PHF21B: variants seen among roughly 807,000 people sequenced by gnomAD.
PHF21B encodes PHD finger protein 4.
PHF21B carries 22 observed loss-of-function variants against 62.2 expected under a neutral mutation model. The observed-to-expected ratio is 0.35, with a 90% CI of 0.25 to 0.51. The LOEUF (loss-of-function observed/expected upper bound fraction) is 0.51, where lower values mean the gene tolerates loss of function less well. Ranked by LOEUF, PHF21B falls within the 20% of genes least tolerant of loss-of-function variation. PHF21B has a pLI of 0.97. For synonymous variants in PHF21B, 341 were observed against 314.7 expected, an observed-to-expected ratio of 1.08 and a Z score of -0.88; for missense variants, 701 against 707.9, an observed-to-expected ratio of 0.99 and a Z score of 0.11.
At chr22:44,915,782 C>T (rs2071421423) in intron 4 of PHF21B, among the ~76,000 whole-genome samples, 1 of 152,220 alleles carries the variant, frequency 6.6e-6, no homozygotes, top group Non-Finnish European at 1.5e-5. Context: ...CCACCAGGAG[C>T]TCGGAGGGGA....
chr22:45,008,217 C>T (rs961708348), intron 2 of PHF21B: 2 of 225,156 alleles, frequency 8.9e-6, no homozygotes, highest in African/African-American at 4.5e-5. Flanking sequence ...ATGGCCGCCT[C>T]AGCGCAAAGC....
Position 44,903,609 on chromosome 22 carries a change from G to A in PHF21B, c.832-7526C>T, listed in dbSNP as rs139426128. On this transcript the variant is annotated intron_variant, in intron 5 of 12. Transcript: ENST00000313237. ...ATCAACTGGCTTCATTCTGATAGAC[G>A]TGTGTTCAAAACTGTGTTCTGCAGA... is the stretch of plus-strand genomic sequence containing the variant. Among the ~76,000 whole-genome samples, 692 of 152,310 alleles carry A rather than the reference G, an allele frequency of 4.5e-3. 5 individuals are homozygous for A. The highest frequency in any genetic ancestry group is 0.015 in the African/African-American group (620 of 41,562).
chr22:44,939,337 G>A (rs181606425), intron 2 of PHF21B, among the ~76,000 whole-genome samples: 7 of 152,350 alleles, frequency 4.6e-5, no homozygotes, highest in Admixed American at 1.3e-4. Flanking sequence ...GGTAGAACAC[G>A]TCTGAGCTCT....
At chr22:44,948,704 A>G (rs1018546928) in intron 2 of PHF21B, among the ~76,000 whole-genome samples, 34 of 151,906 alleles carry the variant, frequency 2.2e-4, no homozygotes, top group African/African-American at 8.0e-4. Flanking sequence ...AAAAAAAAAA[A>G]AAAGAGAGAC....
chr22:44,985,924 GCAC>G (rs565614815), intron 2 of PHF21B, among the ~76,000 whole-genome samples: 3,018 of 146,872 alleles, frequency 0.021, 91 homozygotes, highest in African/African-American at 0.071. Context: ...ATCACCATCA[GCAC>G]CACCACCACT....
At chr22:44,916,098 T>C (rs1186185386) in intron 4 of PHF21B, among the ~76,000 whole-genome samples, 182 bp downstream of exon 4, 1 of 152,258 alleles carries the variant, frequency 6.6e-6, no homozygotes, top group Non-Finnish European at 1.5e-5. Flanking sequence ...CATGTGTTCA[T>C]ACTCCATTCA....
At chr22:44,949,318 A>AAAAAAAAAAAAAAAAAG (rs1569248310) in intron 2 of PHF21B, among the ~76,000 whole-genome samples, 1 of 144,792 alleles carries the variant, frequency 6.9e-6, no homozygotes. Flanking sequence ...AAGAAAAAAA[A>AAAAAAAAAAAAAAAAAG]AAAAAAAGAA....
intron 5 of PHF21B, among the ~76,000 whole-genome samples, chr22:44,906,056 G>A (rs984944641): frequency 2.0e-5 from 3 of 152,162 alleles, no homozygotes; most frequent in Non-Finnish European, 4.4e-5. Context: ...CTTGGAACCC[G>A]CTGCCCTGTG....
At chr22:44,921,597 C>T (rs1226741541) in intron 2 of PHF21B, among the ~76,000 whole-genome samples, 2 of 151,764 alleles carry the variant, frequency 1.3e-5, no homozygotes, top group African/African-American at 4.8e-5. Flanking sequence ...AATCTCCTGA[C>T]CTCATGATCC....
At chr22:44,886,280 G>A (rs1005825286) in intron 10 of PHF21B, among the ~76,000 whole-genome samples, 32 of 150,784 alleles carry the variant, frequency 2.1e-4, no homozygotes, top group African/African-American at 7.8e-4. Flanking sequence ...GACAAATGGA[G>A]AGACTCGATG....
chr22:44,996,634 C>T (rs945296057), intron 2 of PHF21B, among the ~76,000 whole-genome samples: 2 of 151,900 alleles, frequency 1.3e-5, no homozygotes, highest in African/African-American at 4.8e-5. Flanking sequence ...CTAGATCACT[C>T]TCTAAAGCTG....
intron 2 of PHF21B, among the ~76,000 whole-genome samples, chr22:44,957,898 T>C (rs1037374963): frequency 3.0e-5 from 3 of 100,806 alleles, no homozygotes; most frequent in African/African-American, 7.3e-5. Flanking sequence ...TGATCACCAC[T>C]GGACATTTTT....
At position 45,009,115 on chromosome 22, in the gene PHF21B, A is replaced by G; in HGVS notation, c.54+381T>C. 1 of 932,058 alleles carries G rather than the reference A, an allele frequency of 1.1e-6. No individual in the cohort carries two copies. Among genetic ancestry groups the G allele is most frequent in the African/African-American group, 1.7e-5 (1 of 57,386 alleles). 57.7% of individuals were successfully genotyped at this position (932,058 alleles called of 1,614,324 possible). On this transcript the variant is annotated intron_variant, in intron 1 of 12. Coordinates refer to ENST00000313237, the MANE Select transcript of PHF21B (RefSeq NM_138415.5). The surrounding 1 kb of genome is among the most constrained non-coding windows in gnomAD (Gnocchi z 5.9). ...CCAAAACTACTTCTGCACACCGGGC[A>G]GGTTCGCCCGGGGCGCGGGGGCCCG...
At chr22:45,005,026 C>A (rs2073290244) in intron 2 of PHF21B, among the ~76,000 whole-genome samples, 2 of 152,226 alleles carry the variant, frequency 1.3e-5, no homozygotes, top group Admixed American at 1.3e-4. Context: ...CTGGAGATGC[C>A]AGCTCACACA....
At chr22:44,946,100 C>T (rs531898228) in intron 2 of PHF21B, among the ~76,000 whole-genome samples, 9 of 147,710 alleles carry the variant, frequency 6.1e-5, no homozygotes, top group South Asian at 2.1e-4. Flanking sequence ...TCAGGCCCTG[C>T]GGGAGGGAAG....
At chr22:44,965,262 G>GT (rs1322288701) in intron 2 of PHF21B, among the ~76,000 whole-genome samples, 9 of 152,148 alleles carry the variant, frequency 5.9e-5, no homozygotes, top group African/African-American at 1.9e-4. Context: ...CTGCTTGTAT[G>GT]TGGATGGCCA....
chr22:44,954,585 C>A (rs1363353996), intron 2 of PHF21B, among the ~76,000 whole-genome samples: 3 of 152,258 alleles, frequency 2.0e-5, no homozygotes. Context: ...TACCATCTTC[C>A]ATCCCATTTT....
At chr22:44,991,917 TGTGTAACCTAAGA>T (rs2073048431) in intron 2 of PHF21B, among the ~76,000 whole-genome samples, 2 of 152,378 alleles carry the variant, frequency 1.3e-5, no homozygotes, top group Admixed American at 1.3e-4. Flanking sequence ...ATGAGTCAAT[TGTGTAACCTAAGA>T]AACAGCTTTT....
At chr22:44,898,373 C>T (rs532847674) in intron 5 of PHF21B, among the ~76,000 whole-genome samples, 76 of 152,244 alleles carry the variant, frequency 5.0e-4, no homozygotes, top group Non-Finnish European at 1.0e-3. Context: ...GTAGACCACC[C>T]ACCTGACTCA....
Sources: gnomAD v4.1 joint callset for allele counts (sites outside exome capture counted in the v4.1 genomes callset) on GRCh38, gnomAD v4.1.1 for gene constraint, Gnocchi (gnomAD v3.1) non-coding constraint, MANE v1.5 for transcripts, NCBI Gene and HGNC (gene_info 2026-07-23, HGNC 2026-07-21) for gene names.